RPH3A: variants seen among roughly 807,000 people sequenced by gnomAD.
The protein encoded by RPH3A is rabphilin-3A.
In RPH3A, 48 loss-of-function variants were observed where a neutral mutation model predicts 102.2. The ratio of observed to expected loss-of-function variants is 0.47; its 90% CI spans 0.37 to 0.60. The LOEUF (loss-of-function observed/expected upper bound fraction) is 0.60. Ranked by LOEUF, RPH3A falls within the 20% of genes least tolerant of loss-of-function variation. The probability of loss-of-function intolerance (pLI) is 0.00; values close to 1 mark genes in which losing one functional copy is unlikely to be tolerated. For synonymous variants in RPH3A, 310 were observed against 324.3 expected (o/e 0.96, Z 0.47); for missense variants, 781 against 910.1 (o/e 0.86, Z 1.83).
chr12:112,858,280 AAAAAAAAAAAAAAAG>A (rs1460256759), intron 5 of RPH3A, among the ~76,000 whole-genome samples: 76 of 150,296 alleles, frequency 5.1e-4, no homozygotes, highest in African/African-American at 1.7e-3. Context: ...AAAAAAAAAA[AAAAAAAAAAAAAAAG>A]AAAAGAAAAG....
intron 13 of RPH3A, 41 bp downstream of exon 13, chr12:112,876,907 T>C: frequency 6.7e-7 from 1 of 1,482,188 alleles, no homozygotes; most frequent in Non-Finnish European, 9.1e-7. Flanking sequence ...GAAAAATCAC[T>C]TCAGGAGCCA....
intron 1 of RPH3A, among the ~76,000 whole-genome samples, chr12:112,725,865 G>A (rs1268155096): frequency 6.6e-5 from 10 of 151,334 alleles, no homozygotes; most frequent in African/African-American, 2.4e-4. Context: ...ATGCGATCTC[G>A]GCTCACTGCA....
At chr12:112,713,112 T>G (rs1046570540) in intron 1 of RPH3A, among the ~76,000 whole-genome samples, 3 of 143,692 alleles carry the variant, frequency 2.1e-5, no homozygotes, top group African/African-American at 7.8e-5. Flanking sequence ...TTTATTTTTT[T>G]GTAGAGAAAG....
chr12:112,891,088 T>C, intron 19 of RPH3A, 85 bp downstream of exon 19: 4 of 1,503,298 alleles, frequency 2.7e-6, no homozygotes, highest in Middle Eastern at 1.7e-4. Context: ...TTCACCAAGA[T>C]CGTTGTACAC....
intron 1 of RPH3A, among the ~76,000 whole-genome samples, chr12:112,694,280 T>C (rs2136024360): frequency 6.6e-6 from 1 of 152,322 alleles, no homozygotes; most frequent in Non-Finnish European, 1.5e-5. Context: ...AGGGAGTGTC[T>C]GAGTCTCACG....
At chr12:112,751,110 C>T (rs960598089) in intron 1 of RPH3A, among the ~76,000 whole-genome samples, 3 of 152,208 alleles carry the variant, frequency 2.0e-5, no homozygotes, top group Admixed American at 1.3e-4. Flanking sequence ...GTTATTTGAG[C>T]CAATGAATCA....
At chr12:112,665,420 A>G (rs1398036885) in intron 1 of RPH3A, among the ~76,000 whole-genome samples, 1 of 152,178 alleles carries the variant, frequency 6.6e-6, no homozygotes, top group African/African-American at 2.4e-5. Flanking sequence ...GACTCAGACT[A>G]TCCAAGCTTG....
chr12:112,612,649 C>T (rs1433537289), intron 1 of RPH3A, among the ~76,000 whole-genome samples: 1 of 149,242 alleles, frequency 6.7e-6, no homozygotes, highest in Admixed American at 6.7e-5. Context: ...CCTGCAACCT[C>T]AACTTCCTGG....
At chr12:112,812,867 T>C (rs1438451468) in intron 2 of RPH3A, among the ~76,000 whole-genome samples, 1 of 152,240 alleles carries the variant, frequency 6.6e-6, no homozygotes, top group Non-Finnish European at 1.5e-5. Flanking sequence ...AGCCAATGTA[T>C]ACAAATTACT....
chr12:112,836,211 C>T (rs947335987), intron 3 of RPH3A, among the ~76,000 whole-genome samples: 5 of 152,134 alleles, frequency 3.3e-5, no homozygotes, highest in African/African-American at 9.7e-5. Context: ...TTTTTAGTGC[C>T]CTTAAACCAT....
chr12:112,801,499 G>A (rs559839619), intron 2 of RPH3A, among the ~76,000 whole-genome samples: 4 of 152,330 alleles, frequency 2.6e-5, no homozygotes, highest in South Asian at 4.1e-4. Flanking sequence ...TCATCTGAAC[G>A]ATGGATAAGT....
At chr12:112,828,978 A>C (rs2041925123) in intron 3 of RPH3A, among the ~76,000 whole-genome samples, 1 of 152,190 alleles carries the variant, frequency 6.6e-6, no homozygotes, top group Non-Finnish European at 1.5e-5. Flanking sequence ...TCATATATTT[A>C]GACTGGCAAG....
At chr12:112,889,833 C>T (rs1161684590) in intron 17 of RPH3A, among the ~76,000 whole-genome samples, 191 bp from the exon 18 acceptor site, 1 of 152,188 alleles carries the variant, frequency 6.6e-6, no homozygotes, top group Non-Finnish European at 1.5e-5. Context: ...TACACATTCA[C>T]ATAGCTTGCC....
At chr12:112,582,303 TG>T (rs2039405879) in intron 1 of RPH3A, among the ~76,000 whole-genome samples, 1 of 147,308 alleles carries the variant, frequency 6.8e-6, no homozygotes, top group Admixed American at 6.8e-5. Context: ...TGGAGTGCAG[TG>T]GTGCAATTGT....
chr12:112,737,154 C>CAA (rs57703782), intron 1 of RPH3A, among the ~76,000 whole-genome samples: 13,604 of 116,942 alleles, frequency 0.12, 869 homozygotes, highest in Non-Finnish European at 0.14. Flanking sequence ...GACCCTGTCT[C>CAA]AAAAAAAAAA....
At chr12:112,650,550 C>G (rs976771988) in intron 1 of RPH3A, among the ~76,000 whole-genome samples, 1 of 152,084 alleles carries the variant, frequency 6.6e-6, no homozygotes, top group Non-Finnish European at 1.5e-5. Flanking sequence ...TTCTCATCCC[C>G]TTTTATATAT....
At chr12:112,868,333 C>A in intron 7 of RPH3A, 97 bp from the exon 8 acceptor site, 2 of 1,252,016 alleles carry the variant, frequency 1.6e-6, no homozygotes, top group Non-Finnish European at 2.3e-6. Flanking sequence ...TGTCAGTGTG[C>A]TTTGGATGAG....
intron 1 of RPH3A, among the ~76,000 whole-genome samples, chr12:112,733,062 T>TG (rs749168184): frequency 6.6e-6 from 1 of 152,172 alleles, no homozygotes; most frequent in Non-Finnish European, 1.5e-5. Context: ...TGCTAGGCTC[T>TG]GGGTCACCTC....
intron 1 of RPH3A, among the ~76,000 whole-genome samples, chr12:112,765,486 G>A (rs1021889251): frequency 1.3e-5 from 2 of 152,132 alleles, no homozygotes; most frequent in Admixed American, 6.5e-5. Flanking sequence ...AGCCCAAACT[G>A]TGGTCCTTAG....
Sources: gnomAD v4.1 joint callset for allele counts (sites outside exome capture counted in the v4.1 genomes callset) on GRCh38, gnomAD v4.1.1 for gene constraint, MANE v1.5 for transcripts, NCBI Gene and HGNC (gene_info 2026-07-23, HGNC 2026-07-21) for gene names.